IDE: variants seen among roughly 807,000 people sequenced by gnomAD.
The protein encoded by IDE is insulin degrading enzyme.
Under a neutral mutation model 133.2 loss-of-function variants are expected in IDE, and 58 were observed. The observed-to-expected ratio is 0.44, with a 90% confidence interval of 0.35 to 0.54. The LOEUF is 0.54. Among genes scored for constraint, IDE ranks in the 20% least tolerant of loss-of-function variants. IDE has a pLI of 0.00. For synonymous variants in IDE, 396 were observed against 421.3 expected, an observed-to-expected ratio of 0.94 and a Z score of 0.73; for missense variants, 981 against 1,234.0, an observed-to-expected ratio of 0.79 and a Z score of 3.07.
At chr10:92,490,400 T>G in intron 12 of IDE, 93 bp downstream of exon 12, 1 of 787,738 alleles carries the variant, frequency 1.3e-6, no homozygotes, top group Admixed American at 2.1e-5. Context: ...TCATCAGTCT[T>G]CCACACTCTG....
intron 1 of IDE, among the ~76,000 whole-genome samples, chr10:92,544,859 G>C (rs1007522754): frequency 6.6e-6 from 1 of 152,186 alleles, no homozygotes; most frequent in African/African-American, 2.4e-5. Flanking sequence ...TAAAGCAAGA[G>C]AGTATATGTA....
intron 3 of IDE, among the ~76,000 whole-genome samples, chr10:92,534,168 C>T (rs1184876205): frequency 2.0e-5 from 3 of 152,222 alleles, no homozygotes; most frequent in South Asian, 2.1e-4. Context: ...AATATCCCCA[C>T]GGTTGAAACA....
chr10:92,508,907 A>G lies in IDE; in HGVS notation c.898-17T>C, dbSNP rs777077027. The G allele has an allele frequency of 1.9e-6, 3 of 1,598,780 alleles. No homozygotes were observed. Among genetic ancestry groups the G allele is most frequent in the African/African-American group, 2.7e-5 (2 of 74,646 alleles). On this transcript the variant is annotated splice_polypyrimidine_tract_variant and intron_variant, in intron 6 of 24. Transcript: ENST00000265986. ...GTAAAGTTGCTGGAGAAAACAAATC[A>G]CAGAGATTAGCTATATACGACTCCT...
intron 1 of IDE, among the ~76,000 whole-genome samples, chr10:92,563,182 C>T (rs1397762117): frequency 6.6e-6 from 1 of 151,992 alleles, no homozygotes; most frequent in East Asian, 1.9e-4. Flanking sequence ...ACCCGGGACG[C>T]GGAGGTTGCA....
At chr10:92,566,068 A>T (rs766528093) in intron 1 of IDE, among the ~76,000 whole-genome samples, 1 of 152,014 alleles carries the variant, frequency 6.6e-6, no homozygotes, top group Middle Eastern at 3.4e-3. Flanking sequence ...ACAAGACAAC[A>T]TATGTAGCCA....
chr10:92,498,050 A>T (rs577983661), intron 11 of IDE, among the ~76,000 whole-genome samples: 1 of 152,312 alleles, frequency 6.6e-6, no homozygotes, highest in African/African-American at 2.4e-5. Flanking sequence ...TGTTTGTACA[A>T]CACTTTTTGA....
intron 3 of IDE, among the ~76,000 whole-genome samples, chr10:92,533,445 T>C (rs895982347): frequency 3.3e-5 from 5 of 152,192 alleles, no homozygotes; most frequent in African/African-American, 1.2e-4. Flanking sequence ...GATAATGTTT[T>C]TTCAATAATA....
chr10:92,499,356 G>T (rs929708422), intron 11 of IDE, among the ~76,000 whole-genome samples: 3 of 151,868 alleles, frequency 2.0e-5, no homozygotes, highest in African/African-American at 4.8e-5. Flanking sequence ...TGTTGGCCAG[G>T]CTGGTCTTGA....
intron 1 of IDE, among the ~76,000 whole-genome samples, chr10:92,544,232 CA>C (rs377421446): frequency 0.059 from 5,047 of 85,486 alleles, 73 homozygotes; most frequent in Admixed American, 0.1. Flanking sequence ...GACACCATCT[CA>C]AAAAAAAAAA....
At chr10:92,497,693 T>G (rs1157341850) in intron 11 of IDE, 1 of 982,290 alleles carries the variant, frequency 1.0e-6, no homozygotes, top group Non-Finnish European at 1.2e-6. Context: ...CCTAGTCTGG[T>G]CTGGCAGCTG....
At position 92,476,175 on chromosome 10, in the gene IDE, C is replaced by CT. The variant is rs869242486; in HGVS notation, c.1885-182dup. 5.4e-3 allele frequency among the ~76,000 whole-genome samples: 772 copies of CT among 142,850 alleles called. 1 individual carries two copies. The highest frequency in any genetic ancestry group is 0.018 in the Middle Eastern group (5 of 276). 93.7% of individuals were successfully genotyped at this position (142,850 alleles called of 152,430 possible). ...CACTTAGGAAGATAACATTAACCATCTTTTTTTTTTTTTTTGAGACAGAGT... is the reference window on the plus strand; with the variant it reads ...CACTTAGGAAGATAACATTAACCATCTTTTTTTTTTTTTTTTGAGACAGAGT... On this transcript the variant is annotated intron_variant, in intron 15 of 24. Transcript: ENST00000265986.
At chr10:92,521,430 C>T (rs572498030) in intron 4 of IDE, among the ~76,000 whole-genome samples, 5 of 150,912 alleles carry the variant, frequency 3.3e-5, no homozygotes, top group South Asian at 4.2e-4. Flanking sequence ...ATGAGAAGTT[C>T]GATAAAACAA....
chr10:92,508,024 C>T, intron 8 of IDE, 89 bp downstream of exon 8: 1 of 925,028 alleles, frequency 1.1e-6, no homozygotes, highest in Non-Finnish European at 1.7e-6. Context: ...TAGCTTTCAA[C>T]ATAAAACAGA....
At position 92,570,775 on chromosome 10, in the gene IDE, G is replaced by A. The variant is rs547058007; in HGVS notation, c.98+3147C>T. Among the ~76,000 whole-genome samples the A allele has an allele frequency of 2.0e-5, 3 of 151,870 alleles. No homozygotes were observed. In the East Asian group the frequency reaches 5.9e-4, roughly 30 times the overall value. The stretch of plus-strand genomic sequence containing the variant: ...ACCAAAAATACAAAAATTAGTTGTG[G>A]GGTGGTGGCATGAGCCTGCAGTCCC... On this transcript the variant is annotated intron_variant, in intron 1 of 24. Transcript: ENST00000265986.
At chr10:92,553,865 G>A (rs1404597114) in intron 1 of IDE, among the ~76,000 whole-genome samples, 1 of 152,040 alleles carries the variant, frequency 6.6e-6, no homozygotes, top group Non-Finnish European at 1.5e-5. Context: ...GAAAAGCCCA[G>A]GACCCATGGC....
In IDE at chr10:92,534,911, C is replaced by T; in HGVS notation, c.284-126G>A. 4.5e-6 allele frequency: 3 copies of T among 663,558 alleles called. No homozygotes were observed. The South Asian group carries it at 5.7e-5, about 13-fold the overall frequency. 41.1% of individuals were successfully genotyped at this position (663,558 alleles called of 1,614,324 possible). ...ATAATCAGAGAAAGTTAAGCACAAG[C>T]TACCTAAAATGATATTATTTAGAAA... is the stretch of plus-strand genomic sequence containing the variant. On this transcript the variant is annotated intron_variant, in intron 2 of 24. Transcript: ENST00000265986.
Position 92,461,122 on chromosome 10 carries a change from T to C in IDE, c.2823+69A>G, listed in dbSNP as rs372922899. On this transcript the variant is annotated intron_variant, in intron 22 of 24. Coordinates refer to ENST00000265986, the MANE Select transcript of IDE (RefSeq NM_004969.4). Reference sequence around the variant, plus strand: ...TCCCAAAGTGCTGGGATTACAGGTGTAGGCCGCCATACCCAGCCCTATAAT... The same window carrying C: ...TCCCAAAGTGCTGGGATTACAGGTGCAGGCCGCCATACCCAGCCCTATAAT... The C allele has an allele frequency of 3.6e-4, 276 of 771,912 alleles. 4 individuals carry two copies. The South Asian group carries it at 4.0e-3, about 11-fold the overall frequency. 47.8% of individuals were successfully genotyped at this position (771,912 alleles called of 1,614,324 possible).
At chr10:92,560,858 C>T (rs532363171) in intron 1 of IDE, among the ~76,000 whole-genome samples, 6 of 152,262 alleles carry the variant, frequency 3.9e-5, no homozygotes, top group Admixed American at 3.3e-4. Flanking sequence ...CTGATAGCTC[C>T]ACTTACTTTC....
chr10:92,517,860 G>A (rs1849009815), intron 4 of IDE, among the ~76,000 whole-genome samples: 1 of 152,114 alleles, frequency 6.6e-6, no homozygotes, highest in Non-Finnish European at 1.5e-5. Flanking sequence ...AGACTGCAGT[G>A]AGCCAAGATC....
Sources: allele counts gnomAD v4.1 joint callset (sites outside exome capture counted in the v4.1 genomes callset), GRCh38; gene constraint gnomAD v4.1.1; transcripts MANE v1.5; gene names NCBI Gene and HGNC (gene_info 2026-07-23, HGNC 2026-07-21).